Variants in LAMTOR4 observed in about 807,000 individuals in gnomAD.
LAMTOR4 encodes the protein ragulator complex protein LAMTOR4.
A neutral mutation model predicts 13.5 loss-of-function variants in LAMTOR4; 11 were observed. The observed-to-expected ratio is 0.82, with a 90% CI of 0.51 to 1.35. LAMTOR4 has a LOEUF of 1.35. Among genes scored for constraint, LAMTOR4 ranks in the 40% most tolerant of loss-of-function variants. The probability of loss-of-function intolerance (pLI) is 0.00; values close to 1 mark genes in which losing one functional copy is unlikely to be tolerated. For missense variants in LAMTOR4, 128 were observed against 126.2 expected (o/e 1.01, Z -0.07); for synonymous variants, 69 against 52.3 (o/e 1.32, Z -1.38).
Position 100,148,963 on chromosome 7 carries a change from G to C in LAMTOR4, c.-10G>C. Reference sequence around the variant, plus strand: ...TCTGGTAGGGAGCTCCCCCAGCACCGAAGACTGCGATGGTGAGTGAGGACG... The same window carrying C: ...TCTGGTAGGGAGCTCCCCCAGCACCCAAGACTGCGATGGTGAGTGAGGACG... On this transcript the variant is annotated 5_prime_UTR_variant, in exon 1 of 4. Coordinates refer to ENST00000341942, the MANE Select transcript of LAMTOR4 (RefSeq NM_001008395.4). 7 of 1,612,126 alleles carry C rather than the reference G, an allele frequency of 4.3e-6. No individual in the cohort carries two copies. The highest frequency in any genetic ancestry group is 5.9e-6 in the Non-Finnish European group (7 of 1,179,902).
Position 100,149,522 on chromosome 7 carries a change from G to A in LAMTOR4, c.27G>A (p.Leu9=). The A allele has an allele frequency of 6.2e-7, 1 of 1,613,910 alleles. No homozygotes were observed. The highest frequency in any genetic ancestry group is 8.5e-7 in the Non-Finnish European group (1 of 1,179,840). ...AGACTTCTGCGCTGACCCAGGGGCT[G>A]GAGCGAATCCCAGACCAGCTCGGCT... MTSALTQG[L]ERIPDQLGYL... The change falls in exon 2 of 4, where the codon CTG becomes CTA. Residue 9 remains leucine (L), a synonymous_variant. Coordinates refer to ENST00000341942, the MANE Select transcript of LAMTOR4 (RefSeq NM_001008395.4).
chr7:100,149,302 A>G lies in LAMTOR4; in HGVS notation c.4-197A>G, dbSNP rs1243983272. ...GGAAGGCCAGGGGAGCCCGGGGGCG[A>G]GAGTGGGGGCAGATGGAGGCTCGGG... On this transcript the variant is annotated intron_variant, in intron 1 of 3. Transcript: ENST00000341942. The G allele has an allele frequency of 8.2e-6, 5 of 610,432 alleles. No homozygotes were observed. The Admixed American group carries it at 1.2e-4, about 14-fold the overall frequency. 37.8% of individuals were successfully genotyped at this position (610,432 alleles called of 1,614,324 possible). A position where few individuals can be genotyped will look rare whatever the true frequency, so the allele number is the denominator to read the frequency against.
At position 100,153,864 on chromosome 7, in the gene LAMTOR4, C is replaced by T; in HGVS notation, c.203-3C>T. ...GGCGGGGGAAGGTGTGTCTCTCCTC[C>T]AGTGGTCTTTGGAGAACACACACTG... On this transcript the variant is annotated splice_polypyrimidine_tract_variant and splice_region_variant and intron_variant, in intron 3 of 3. Coordinates refer to ENST00000341942, the MANE Select transcript of LAMTOR4 (RefSeq NM_001008395.4). 6.4e-7 allele frequency: 1 copy of T among 1,565,850 alleles called. No homozygotes were observed. The highest frequency in any genetic ancestry group is 8.7e-7 in the Non-Finnish European group (1 of 1,152,880).
intron 3 of LAMTOR4, 134 bp from the exon 4 acceptor site, chr7:100,153,733 T>C (rs1343640550): frequency 1.3e-6 from 1 of 773,750 alleles, no homozygotes. Context: ...TCTCTGAGCC[T>C]GGAACTATAG....
chr7:100,152,940 G>C (rs1798748529), intron 2 of LAMTOR4, among the ~76,000 whole-genome samples: 1 of 152,002 alleles, frequency 6.6e-6, no homozygotes, highest in African/African-American at 2.4e-5. Flanking sequence ...GATCATTTGA[G>C]GTCAAGAGTT....
At chr7:100,151,434 G>C (rs1798698891) in intron 2 of LAMTOR4, among the ~76,000 whole-genome samples, 1 of 151,728 alleles carries the variant, frequency 6.6e-6, no homozygotes, top group Non-Finnish European at 1.5e-5. Flanking sequence ...TGTCACCCAG[G>C]CTGGAGTGCA....
At position 100,149,624 on chromosome 7, in the gene LAMTOR4, G is replaced by C. The variant is rs757794538; in HGVS notation, c.84+45G>C. ...GGGGGTCCCTTAGTGCACACAGCCC[G>C]GTAACCCCTTCTAATATTGGCCCTT... On this transcript the variant is annotated intron_variant, in intron 2 of 3. Coordinates refer to ENST00000341942, the MANE Select transcript of LAMTOR4 (RefSeq NM_001008395.4). 3.5e-6 allele frequency: 5 copies of C among 1,424,240 alleles called. No homozygotes were observed. In the South Asian group the frequency reaches 4.6e-5, roughly 13 times the overall value. The allele number at this position is 1,424,240 out of a possible 1,614,324, so 88.2% of individuals were successfully genotyped here.
Position 100,154,138 on chromosome 7 carries a change from C to A in LAMTOR4, c.*174C>A, listed in dbSNP as rs992517764. 3 of 597,330 alleles carry A rather than the reference C, an allele frequency of 5.0e-6. No homozygotes were observed. The highest frequency in any genetic ancestry group is 5.6e-5 in the Admixed American group (2 of 35,966). 37.0% of individuals were successfully genotyped at this position (597,330 alleles called of 1,614,324 possible). Reference sequence around the variant, plus strand: ...GGACTCTGAGCTGTGTTAAGGAGAACAAGGGCAAGGAGACCTCCCTTTGTG... The same window carrying A: ...GGACTCTGAGCTGTGTTAAGGAGAAAAAGGGCAAGGAGACCTCCCTTTGTG... On this transcript the variant is annotated 3_prime_UTR_variant, in exon 4 of 4. Transcript: ENST00000341942.
rs1798814679 is a variant in LAMTOR4 at position 100,154,157 on chromosome 7, C to T, written c.*193C>T. The stretch of plus-strand genomic sequence containing the variant: ...GGAGAACAAGGGCAAGGAGACCTCC[C>T]TTTGTGCTCCCTCACTCCCTAATAA... On this transcript the variant is annotated 3_prime_UTR_variant, in exon 4 of 4. Coordinates refer to ENST00000341942, the MANE Select transcript of LAMTOR4 (RefSeq NM_001008395.4). 1.7e-6 allele frequency: 1 copy of T among 576,358 alleles called. No homozygotes were observed. Among genetic ancestry groups the T allele is most frequent in the Admixed American group, 3.0e-5 (1 of 33,878 alleles). 35.7% of individuals were successfully genotyped at this position (576,358 alleles called of 1,614,324 possible).
rs989696918 is a variant in LAMTOR4, at chr7:100,153,972, G to A, written c.*8G>A. On this transcript the variant is annotated 3_prime_UTR_variant, in exon 4 of 4. Coordinates refer to ENST00000341942, the MANE Select transcript of LAMTOR4 (RefSeq NM_001008395.4). ...GAGCCCATTGATGTCTGAGCCTGCC[G>A]GAGGGCGAGGGTCGGAGAAGCGGAT... 17 of 1,570,784 alleles carry A rather than the reference G, an allele frequency of 1.1e-5. No homozygotes were observed. The highest frequency in any genetic ancestry group is 6.7e-5 in the African/African-American group (5 of 74,386).
chr7:100,153,695 G>C (rs764466090), intron 3 of LAMTOR4, 172 bp from the exon 4 acceptor site: 9 of 749,980 alleles, frequency 1.2e-5, no homozygotes, highest in Non-Finnish European at 2.1e-5. Context: ...AGAGAAAGGA[G>C]ATCTAGCAGA....
chr7:100,151,698 G>T (rs978152631), intron 2 of LAMTOR4, among the ~76,000 whole-genome samples: 10 of 149,370 alleles, frequency 6.7e-5, no homozygotes, highest in South Asian at 2.1e-4. Flanking sequence ...CTGTTTTTTT[G>T]TTTGTTTGTT....
At chr7:100,150,750 C>T (rs1298640003) in intron 2 of LAMTOR4, among the ~76,000 whole-genome samples, 2 of 151,712 alleles carry the variant, frequency 1.3e-5, no homozygotes, top group Non-Finnish European at 2.9e-5. Flanking sequence ...CTTTGGGAGG[C>T]CAAGGCGGGC....
In LAMTOR4 at chr7:100,149,573, G is replaced by C; in HGVS notation, c.78G>C (p.Val26=). 1 of 1,613,686 alleles carries C rather than the reference G, an allele frequency of 6.2e-7. No homozygotes were observed. The highest frequency in any genetic ancestry group is 8.5e-7 in the Non-Finnish European group (1 of 1,179,652). ...LGYLVLSEGA[V]LASSGDLEND... is the part of the protein sequence containing the mutation. ...ACCTGGTACTGAGTGAAGGTGCAGT[G>C]CTGGCGGTGCGTTCTGGGAAAGGGA... The change falls in exon 2 of 4, where the codon GTG becomes GTC. Residue 26 remains valine, a synonymous_variant. Coordinates refer to ENST00000341942, the MANE Select transcript of LAMTOR4 (RefSeq NM_001008395.4).
At chr7:100,151,497 T>A (rs1486319772) in intron 2 of LAMTOR4, among the ~76,000 whole-genome samples, 2 of 151,538 alleles carry the variant, frequency 1.3e-5, no homozygotes, top group Non-Finnish European at 2.9e-5. Context: ...CACGCCATTC[T>A]CCTGCCTCAG....
intron 2 of LAMTOR4, among the ~76,000 whole-genome samples, chr7:100,153,085 G>A (rs762444830): frequency 1.1e-4 from 16 of 151,452 alleles, no homozygotes; most frequent in Non-Finnish European, 1.9e-4. Flanking sequence ...ACTTGAACCC[G>A]AGAGGCCGAG....
At chr7:100,149,421 CT>C in intron 1 of LAMTOR4, 77 bp from the exon 2 acceptor site, 1 of 979,044 alleles carries the variant, frequency 1.0e-6, no homozygotes, top group East Asian at 2.4e-5. Context: ...AACCCAGAGA[CT>C]TGGGTTTGCA....
At position 100,149,510 on chromosome 7, in the gene LAMTOR4, G is replaced by A. The variant is rs183327697; in HGVS notation, c.15G>A (p.Leu5=). Residue 5 remains leucine, a synonymous_variant, in exon 2 of 4, where the codon CTG becomes CTA. Coordinates refer to ENST00000341942, the MANE Select transcript of LAMTOR4 (RefSeq NM_001008395.4). MTSA[L]TQGLERIPDQ... ...TCTTTACCCACTAGACTTCTGCGCT[G>A]ACCCAGGGGCTGGAGCGAATCCCAG... The A allele has an allele frequency of 2.5e-6, 4 of 1,613,498 alleles. No homozygotes were observed. Among genetic ancestry groups the A allele is most frequent in the Middle Eastern group, 1.6e-4 (1 of 6,062 alleles).
Position 100,148,975 on chromosome 7 carries a change from GGTGA to G in LAMTOR4, c.3+6_3+9del. Reference sequence around the variant, plus strand: ...CTCCCCCAGCACCGAAGACTGCGATGGTGAGTGAGGACGCATGCGCGAGAGGACC... The same window carrying G: ...CTCCCCCAGCACCGAAGACTGCGATGGTGAGGACGCATGCGCGAGAGGACC... On this transcript the variant is annotated splice_donor_variant and splice_donor_region_variant and intron_variant, in intron 1 of 3. Transcript: ENST00000341942. LOFTEE classifies it high-confidence loss of function. 6.2e-7 allele frequency: 1 copy of G among 1,611,776 alleles called. No individual in the cohort carries two copies. The highest frequency in any genetic ancestry group is 8.5e-7 in the Non-Finnish European group (1 of 1,179,790).
Sources: gnomAD v4.1 joint callset for allele counts (sites outside exome capture counted in the v4.1 genomes callset) on GRCh38, gnomAD v4.1.1 for gene constraint, MANE v1.5 for transcripts, NCBI Gene and HGNC (gene_info 2026-07-23, HGNC 2026-07-21) for gene names.